The following ZBBX variants were observed in gnomAD, a reference collection of about 807,000 sequenced individuals.
ZBBX encodes zinc finger B-box domain-containing protein 1.
ZBBX carries 101 observed loss-of-function variants against 108.5 expected under a neutral mutation model. That is an observed-to-expected ratio of 0.93 (90% confidence interval 0.79 to 1.10). The LOEUF is 1.10. Ranked by LOEUF, ZBBX falls within the 50% of genes least tolerant of loss-of-function variation. The pLI is 0.00. For missense variants in ZBBX, 1,009 were observed against 941.4 expected (o/e 1.07, Z -0.94); for synonymous variants, 356 against 323.4 (o/e 1.10, Z -1.08).
chr3:167,184,337 C>T, the ZBBX span, among the ~76,000 whole-genome samples: 1 of 152,080 alleles, frequency 6.6e-6, no homozygotes, highest in African/African-American at 2.4e-5. Flanking sequence ...ATGCACTATC[C>T]AGGCTCCCTA....
chr3:167,186,338 A>G, the ZBBX span, among the ~76,000 whole-genome samples: 1 of 152,230 alleles, frequency 6.6e-6, no homozygotes, highest in East Asian at 1.9e-4. Context: ...GTTGTTCATA[A>G]GCAGCTAACA....
chr3:167,282,700 C>A, intron 19 of ZBBX: 1 of 465,654 alleles, frequency 2.1e-6, no homozygotes, highest in South Asian at 5.0e-5. Flanking sequence ...AAGAACACTT[C>A]TGTGTATTTT....
intron 20 of ZBBX, among the ~76,000 whole-genome samples, chr3:167,275,427 G>A (rs1287856358): frequency 6.6e-6 from 1 of 152,160 alleles, no homozygotes; most frequent in Non-Finnish European, 1.5e-5. Flanking sequence ...TGCGCGCACT[G>A]TGCGCGAGCC....
At chr3:167,258,641 T>C (rs925657656) in intron 20 of ZBBX, among the ~76,000 whole-genome samples, 10 of 152,166 alleles carry the variant, frequency 6.6e-5, no homozygotes, top group Admixed American at 2.0e-4. Context: ...CATTAAGGTA[T>C]GTCCCTTGTT....
At chr3:167,301,256 T>C (rs1007507672) in intron 17 of ZBBX, among the ~76,000 whole-genome samples, 6 of 152,342 alleles carry the variant, frequency 3.9e-5, no homozygotes, top group East Asian at 3.9e-4. Flanking sequence ...ATTGGTGCTA[T>C]GTAAGTCACA....
the ZBBX span, among the ~76,000 whole-genome samples, chr3:167,213,350 T>C: frequency 2.0e-5 from 3 of 152,070 alleles, no homozygotes; most frequent in Non-Finnish European, 2.9e-5. Flanking sequence ...AAGAACCTAA[T>C]GGGGGTGTGA....
intron 16 of ZBBX, among the ~76,000 whole-genome samples, chr3:167,307,003 C>T (rs536994790): frequency 2.9e-4 from 44 of 152,176 alleles, no homozygotes; most frequent in South Asian, 1.7e-3. Context: ...CTAGTGGAAA[C>T]AAGGAAGTCA....
At chr3:167,273,661 C>A (rs1474594722) in intron 20 of ZBBX, among the ~76,000 whole-genome samples, 2 of 152,078 alleles carry the variant, frequency 1.3e-5, no homozygotes, top group African/African-American at 4.8e-5. Flanking sequence ...ATGGTGGACC[C>A]TTACTGGACA....
intron 9 of ZBBX, among the ~76,000 whole-genome samples, chr3:167,338,515 C>T (rs1220650787): frequency 6.8e-6 from 1 of 147,482 alleles, no homozygotes; most frequent in Non-Finnish European, 1.5e-5. Flanking sequence ...AGCCATATCT[C>T]CTTAAGTGAT....
chr3:167,314,224 G>C (rs903590006), intron 15 of ZBBX, 108 bp from the exon 16 acceptor site: 3 of 811,658 alleles, frequency 3.7e-6, no homozygotes, highest in African/African-American at 3.6e-5. Context: ...ACTTTAATAG[G>C]GTTATTTACA....
intron 20 of ZBBX, among the ~76,000 whole-genome samples, chr3:167,250,333 G>T (rs1412872850): frequency 6.6e-6 from 1 of 152,134 alleles, no homozygotes; most frequent in African/African-American, 2.4e-5. Flanking sequence ...ACTGCTAAAA[G>T]ATACGGCAAG....
chr3:167,178,558 T>A, the ZBBX span, among the ~76,000 whole-genome samples: 1 of 152,084 alleles, frequency 6.6e-6, no homozygotes, highest in South Asian at 2.1e-4. Context: ...AACTGGGGGA[T>A]CCTCAGGTTC....
chr3:167,233,275 G>T, the ZBBX span, among the ~76,000 whole-genome samples: 1 of 151,900 alleles, frequency 6.6e-6, no homozygotes, highest in African/African-American at 2.4e-5. Context: ...CTACCATGTT[G>T]CCTGGCTCAA....
the ZBBX span, among the ~76,000 whole-genome samples, chr3:167,218,587 T>C: frequency 6.6e-6 from 1 of 152,100 alleles, no homozygotes; most frequent in South Asian, 2.1e-4. Flanking sequence ...AGATATTATT[T>C]GCAAGCCTCT....
At chr3:167,283,434 A>C (rs1729151297) in intron 19 of ZBBX, among the ~76,000 whole-genome samples, 1 of 152,174 alleles carries the variant, frequency 6.6e-6, no homozygotes, top group Non-Finnish European at 1.5e-5. Context: ...ATATTATAAG[A>C]TAACTTTGCA....
At chr3:167,250,766 G>A (rs1030092432) in intron 20 of ZBBX, among the ~76,000 whole-genome samples, 2 of 152,066 alleles carry the variant, frequency 1.3e-5, no homozygotes, top group South Asian at 2.1e-4. Context: ...CGGAGGGGTC[G>A]AGGAAGTGCT....
At chr3:167,327,913 CA>C (rs10645171) in intron 11 of ZBBX, 28 bp downstream of exon 11, 65,346 of 1,130,978 alleles carry the variant, frequency 0.058, 1 homozygote, top group Admixed American at 0.062. Flanking sequence ...GACTCTGTCT[CA>C]AAAAAAAAAA....
chr3:167,236,456 GA>G (rs1720234838), downstream of ZBBX, among the ~76,000 whole-genome samples: 1 of 151,760 alleles, frequency 6.6e-6, no homozygotes, highest in African/African-American at 2.4e-5. Flanking sequence ...AAGTGTTTTT[GA>G]ATTCATTACT....
chr3:167,222,326 T>C, the ZBBX span, among the ~76,000 whole-genome samples: 1 of 151,990 alleles, frequency 6.6e-6, no homozygotes, highest in African/African-American at 2.4e-5. Flanking sequence ...AAACTTCTTA[T>C]GTTCACACTT....
Sources: allele counts gnomAD v4.1 joint callset (sites outside exome capture counted in the v4.1 genomes callset), GRCh38; gene constraint gnomAD v4.1.1; transcripts MANE v1.5; gene names NCBI Gene and HGNC (gene_info 2026-07-23, HGNC 2026-07-21).